Variants in SPECC1L observed in about 807,000 individuals in gnomAD.
The protein encoded by SPECC1L is sperm antigen with calponin homology and coiled-coil domains 1 like, also known as cytospin-A.
In SPECC1L, 40 loss-of-function variants were observed where a neutral mutation model predicts 116.8. That is an observed-to-expected ratio of 0.34 (90% confidence interval 0.27 to 0.45). The LOEUF is 0.45. Among genes scored for constraint, SPECC1L ranks in the 20% least tolerant of loss-of-function variants. The pLI, the probability that SPECC1L is intolerant of heterozygous loss-of-function variation, is 1.00. For synonymous variants in SPECC1L, 504 were observed against 500.6 expected (o/e 1.01, Z -0.09); for missense variants, 1,110 against 1,373.6 (o/e 0.81, Z 3.03).
chr22:24,397,147 G>A (rs923199424), intron 14 of SPECC1L, among the ~76,000 whole-genome samples: 10 of 152,132 alleles, frequency 6.6e-5, no homozygotes, highest in Non-Finnish European at 1.5e-4. Context: ...CCACAGGTGT[G>A]CACCTTTTTT....
intron 14 of SPECC1L, among the ~76,000 whole-genome samples, chr22:24,389,109 A>ATTTTT (rs763818960): frequency 4.0e-5 from 4 of 99,940 alleles, no homozygotes; most frequent in Admixed American, 1.1e-4. Flanking sequence ...TCTATAACTG[A>ATTTTT]TTTTTTTTTT....
intron 3 of SPECC1L, among the ~76,000 whole-genome samples, chr22:24,304,841 A>G (rs1204867494): frequency 6.6e-6 from 1 of 152,246 alleles, no homozygotes; most frequent in Admixed American, 6.5e-5. Context: ...TTCAAATTTG[A>G]GAGAAAGATG....
chr22:24,409,897 C>T (rs943194260), intron 14 of SPECC1L, among the ~76,000 whole-genome samples: 2 of 151,976 alleles, frequency 1.3e-5, no homozygotes, highest in East Asian at 1.9e-4. Flanking sequence ...CGTGGTAGCA[C>T]GTACCAGCCT....
intron 4 of SPECC1L, among the ~76,000 whole-genome samples, chr22:24,316,903 G>C: frequency 8.2e-6 from 1 of 122,490 alleles, no homozygotes; most frequent in South Asian, 2.7e-4. Flanking sequence ...TGGCCGGGCG[G>C]GGGGCTGACC....
chr22:24,350,754 TAGTC>T (rs1312901306), intron 11 of SPECC1L, among the ~76,000 whole-genome samples: 1 of 152,208 alleles, frequency 6.6e-6, no homozygotes, highest in Non-Finnish European at 1.5e-5. Context: ...GTTCTGTCAA[TAGTC>T]AGCCTTTTGA....
rs146143308 is a variant in SPECC1L, at chr22:24,345,208, G to A, written c.2653-1878G>A. ...ACAAAGATACCAAAGTAATTCAATC[G>A]GTAAGGAATAGTTTTTTGAAGAAAA... On this transcript the variant is annotated intron_variant, in intron 10 of 16. Transcript: ENST00000314328. Among the ~76,000 whole-genome samples, 613 of 152,042 alleles carry A rather than the reference G, an allele frequency of 4.0e-3. 6 individuals carry two copies. The highest frequency in any genetic ancestry group is 0.014 in the African/African-American group (573 of 41,462).
At chr22:24,393,838 G>A (rs2042316643) in intron 14 of SPECC1L, among the ~76,000 whole-genome samples, 1 of 151,986 alleles carries the variant, frequency 6.6e-6, no homozygotes, top group African/African-American at 2.4e-5. Context: ...CCGTCATCCT[G>A]CTTCTCCCCC....
intron 4 of SPECC1L, among the ~76,000 whole-genome samples, chr22:24,317,373 C>A (rs1201876645): frequency 8.6e-6 from 1 of 116,446 alleles, no homozygotes; most frequent in African/African-American, 3.0e-5. Context: ...CTCCTCACTT[C>A]CCAGTAGGGG....
chr22:24,363,254 T>C lies in SPECC1L; in HGVS notation c.2744-7T>C, dbSNP rs1225839423. 1.2e-6 allele frequency: 2 copies of C among 1,612,978 alleles called. No homozygotes were observed. The highest frequency in any genetic ancestry group is 3.3e-5 in the Admixed American group (2 of 60,004). ...TTCTTTATTGGGATTCTTTCTACTT[T>C]GTACAGAGCATCTGTTAAGAACATC... On this transcript the variant is annotated splice_polypyrimidine_tract_variant and splice_region_variant and intron_variant, in intron 11 of 16. Coordinates refer to ENST00000314328, the MANE Select transcript of SPECC1L (RefSeq NM_015330.6).
Position 24,322,457 on chromosome 22 carries a change from C to G in SPECC1L, c.1477C>G (p.Gln493Glu), listed in dbSNP as rs2040740697. The stretch of plus-strand genomic sequence containing the variant: ...AAGTGGGCGCTATATGGAATTAGAG[C>G]AACGTTACATGGACCTCGCTGAGAA... ...VKSGRYMELEQRYMDLAENAR... is the reference protein window; with the variant it reads ...VKSGRYMELEERYMDLAENAR... The change falls in exon 5 of 17, where the codon CAA becomes GAA. Residue 493 changes from glutamine to glutamate, a missense_variant. Gln to Glu is a conservative substitution (Grantham distance 29, BLOSUM62 2). This residue lies in a region of SPECC1L where 575 missense variants were observed against 682.4 expected (regional missense o/e 0.84). Transcript: ENST00000314328. The G allele has an allele frequency of 6.2e-7, 1 of 1,614,012 alleles. No individual in the cohort carries two copies. The highest frequency in any genetic ancestry group is 8.5e-7 in the Non-Finnish European group (1 of 1,180,054).
chr22:24,308,226 A>T (rs2049540756), intron 3 of SPECC1L, among the ~76,000 whole-genome samples: 1 of 152,158 alleles, frequency 6.6e-6, no homozygotes, highest in Non-Finnish European at 1.5e-5. Context: ...CCTTTCATTA[A>T]ATTTTGCCAG....
At chr22:24,408,238 G>A (rs559586721) in intron 14 of SPECC1L, among the ~76,000 whole-genome samples, 16 of 152,220 alleles carry the variant, frequency 1.1e-4, no homozygotes, top group Non-Finnish European at 1.5e-4. Context: ...ATGCGTGTGC[G>A]TGTGTTCAGG....
chr22:24,318,217 C>G (rs931599609), intron 4 of SPECC1L, among the ~76,000 whole-genome samples: 25 of 152,350 alleles, frequency 1.6e-4, no homozygotes, highest in South Asian at 6.2e-4. Flanking sequence ...CCACTGCACT[C>G]CAGCCTGGGC....
chr22:24,318,125 C>T (rs1291969749), intron 4 of SPECC1L, among the ~76,000 whole-genome samples: 3 of 151,888 alleles, frequency 2.0e-5, no homozygotes, highest in African/African-American at 7.3e-5. Context: ...GGGGTGGGGC[C>T]GGGCAGAGGC....
intron 10 of SPECC1L, among the ~76,000 whole-genome samples, chr22:24,341,284 C>A (rs145741519): frequency 3.3e-5 from 5 of 152,312 alleles, no homozygotes; most frequent in Admixed American, 2.0e-4. Context: ...TGAAACCCCA[C>A]AAGGATAATT....
At chr22:24,374,145 GA>G (rs2041925015) in intron 14 of SPECC1L, among the ~76,000 whole-genome samples, 1 of 152,014 alleles carries the variant, frequency 6.6e-6, no homozygotes, top group Non-Finnish European at 1.5e-5. Context: ...AGGATGTGGA[GA>G]AATAGGAACA....
rs146257666 is a variant in SPECC1L, at chr22:24,391,901, A to G, written c.3088-19687A>G. Reference sequence around the variant, plus strand: ...ATGTAATAAAATGGTTTGTTTGCCAATGCTCTTGTTTAGCTTTAAGATAAT... The same window carrying G: ...ATGTAATAAAATGGTTTGTTTGCCAGTGCTCTTGTTTAGCTTTAAGATAAT... On this transcript the variant is annotated intron_variant, in intron 14 of 16. Transcript: ENST00000314328. Among the ~76,000 whole-genome samples the G allele has an allele frequency of 7.0e-3, 1,062 of 152,338 alleles. 34 individuals carry two copies. The highest frequency in any genetic ancestry group is 1.4e-3 in the Non-Finnish European group (98 of 68,042).
At chr22:24,345,072 G>A (rs994641257) in intron 10 of SPECC1L, among the ~76,000 whole-genome samples, 9 of 152,164 alleles carry the variant, frequency 5.9e-5, no homozygotes, top group Non-Finnish European at 1.3e-4. Context: ...TCAAAACATT[G>A]TTGTGGTCGG....
At chr22:24,320,439 G>A (rs146503550) in intron 4 of SPECC1L, among the ~76,000 whole-genome samples, 12 of 152,224 alleles carry the variant, frequency 7.9e-5, no homozygotes, top group African/African-American at 2.4e-4. Context: ...TTAGTGCTTC[G>A]TTGTTTTTTA....
Sources: gnomAD v4.1 joint callset for allele counts (sites outside exome capture counted in the v4.1 genomes callset) on GRCh38, gnomAD v4.1.1 for gene constraint, gnomAD v4.1.1 regional missense constraint, MANE v1.5 for transcripts, NCBI Gene and HGNC (gene_info 2026-07-23, HGNC 2026-07-21) for gene names.